RBFOX1: variants seen among roughly 807,000 people sequenced by gnomAD.
The protein encoded by RBFOX1 is RNA binding protein fox-1 homolog 1.
A neutral mutation model predicts 57.7 loss-of-function variants in RBFOX1; 8 were observed. The ratio of observed to expected loss-of-function variants is 0.14; its 90% CI spans 0.08 to 0.25. The LOEUF (loss-of-function observed/expected upper bound fraction) is 0.25, where lower values mean the gene tolerates loss of function less well. RBFOX1 is among the 10% of genes least tolerant of loss of function. The pLI is 1.00. For synonymous variants in RBFOX1, 326 were observed against 222.4 expected, an observed-to-expected ratio of 1.47 and a Z score of -4.15; for missense variants, 611 against 548.5, an observed-to-expected ratio of 1.11 and a Z score of -1.14.
intron 4 of RBFOX1, among the ~76,000 whole-genome samples, chr16:7,178,520 C>T (rs935065410): frequency 5.3e-5 from 8 of 152,122 alleles, no homozygotes; most frequent in African/African-American, 1.9e-4. Context: ...CATTACTAAA[C>T]AATGTGATGT....
chr16:7,363,386 G>T (rs2097368171), intron 4 of RBFOX1, among the ~76,000 whole-genome samples: 1 of 152,110 alleles, frequency 6.6e-6, no homozygotes, highest in South Asian at 2.1e-4. Flanking sequence ...AAAGCCAATT[G>T]CATTACCTTG....
intron 4 of RBFOX1, among the ~76,000 whole-genome samples, chr16:7,115,402 T>C (rs946064696): frequency 6.6e-6 from 1 of 152,182 alleles, no homozygotes; most frequent in Non-Finnish European, 1.5e-5. Flanking sequence ...AGAAACTAAT[T>C]CTTTTGCCTT....
At chr16:5,484,681 G>C (rs953996981) in intron 2 of RBFOX1, among the ~76,000 whole-genome samples, 22 of 152,172 alleles carry the variant, frequency 1.4e-4, no homozygotes, top group East Asian at 5.8e-4. Flanking sequence ...GGGAGACTGA[G>C]GCGGGCGGGT....
At chr16:5,972,177 T>A (rs2059974427) in intron 4 of RBFOX1, among the ~76,000 whole-genome samples, 1 of 152,162 alleles carries the variant, frequency 6.6e-6, no homozygotes, top group African/African-American at 2.4e-5. Flanking sequence ...GCCAATTCCT[T>A]ATGATAAGTA....
chr16:6,647,937 G>C (rs1174142335), intron 2 of RBFOX1, among the ~76,000 whole-genome samples: 2 of 152,096 alleles, frequency 1.3e-5, no homozygotes, highest in South Asian at 2.1e-4. Context: ...AGTCTACAGG[G>C]TTTAAGTGAT....
chr16:6,646,327 C>G (rs771472226), intron 2 of RBFOX1, among the ~76,000 whole-genome samples: 1 of 152,142 alleles, frequency 6.6e-6, no homozygotes, highest in Non-Finnish European at 1.5e-5. Flanking sequence ...CCGCATAGAT[C>G]TGCAGCAGAT....
intron 3 of RBFOX1, among the ~76,000 whole-genome samples, chr16:6,700,782 A>G (rs1387697728): frequency 6.6e-6 from 1 of 152,194 alleles, no homozygotes; most frequent in Admixed American, 6.5e-5. Flanking sequence ...CATGTTATCT[A>G]TGGCATATCC....
chr16:7,411,456 T>C (rs2098424360), intron 4 of RBFOX1, among the ~76,000 whole-genome samples: 1 of 152,178 alleles, frequency 6.6e-6, no homozygotes, highest in African/African-American at 2.4e-5. Flanking sequence ...AGCAAAGATG[T>C]TGAACACATG....
At chr16:7,356,448 C>T (rs755921340) in intron 4 of RBFOX1, among the ~76,000 whole-genome samples, 1 of 152,098 alleles carries the variant, frequency 6.6e-6, no homozygotes, top group Admixed American at 6.5e-5. Context: ...AAGAAAGTGA[C>T]TGGAGAGTGT....
At chr16:6,450,146 C>T (rs181768321) in intron 2 of RBFOX1, among the ~76,000 whole-genome samples, 1 of 152,260 alleles carries the variant, frequency 6.6e-6, no homozygotes, top group Admixed American at 6.5e-5. Flanking sequence ...ACTATAAATC[C>T]TGGCTTCCCT....
chr16:6,607,476 T>C (rs2097953498), intron 2 of RBFOX1, among the ~76,000 whole-genome samples: 1 of 150,360 alleles, frequency 6.7e-6, no homozygotes, highest in African/African-American at 2.5e-5. Flanking sequence ...CTCCTCTGTC[T>C]CTCCTTACTC....
At chr16:6,491,637 C>G (rs1003651240) in intron 2 of RBFOX1, among the ~76,000 whole-genome samples, 10 of 152,108 alleles carry the variant, frequency 6.6e-5, no homozygotes, top group African/African-American at 2.4e-4. Flanking sequence ...TACTAATTCC[C>G]AGATGTGCAT....
At chr16:5,418,008 G>T (rs1266084890) in intron 1 of RBFOX1, among the ~76,000 whole-genome samples, 1 of 152,120 alleles carries the variant, frequency 6.6e-6, no homozygotes, top group African/African-American at 2.4e-5. Flanking sequence ...TTGAACCGAG[G>T]AGGCAGAGGT....
At chr16:7,153,168 C>A (rs894091953) in intron 4 of RBFOX1, among the ~76,000 whole-genome samples, 1 of 150,318 alleles carries the variant, frequency 6.7e-6, no homozygotes, top group African/African-American at 2.5e-5. Context: ...GTTATGAATC[C>A]GTCTGTGTCA....
intron 1 of RBFOX1, chr16:6,092,574 A>C (rs2096190778): frequency 6.6e-6 from 1 of 152,212 alleles, no homozygotes; most frequent in African/African-American, 2.4e-5. Context: ...TATATGGTGT[A>C]AGGAAGAGGT....
chr16:7,673,873 A>G (rs12149752), intron 13 of RBFOX1, among the ~76,000 whole-genome samples: 152,100 of 152,308 alleles, frequency 1, 75,948 homozygotes, highest in Middle Eastern at 1. Context: ...TCAATGACAC[A>G]TTTTTGTCAA....
intron 4 of RBFOX1, among the ~76,000 whole-genome samples, chr16:7,213,142 C>T (rs1448923891): frequency 6.6e-6 from 1 of 152,084 alleles, no homozygotes; most frequent in Non-Finnish European, 1.5e-5. Flanking sequence ...GACCCTGAAG[C>T]CCGAACTCCC....
chr16:7,175,562 CT>C (rs1258306119), intron 4 of RBFOX1, among the ~76,000 whole-genome samples: 2 of 152,006 alleles, frequency 1.3e-5, no homozygotes, highest in Non-Finnish European at 2.9e-5. Flanking sequence ...GCACATAGGG[CT>C]CATAGGCAAA....
chr16:6,247,149 A>G (rs1271507503), intron 1 of RBFOX1, among the ~76,000 whole-genome samples: 1 of 152,224 alleles, frequency 6.6e-6, no homozygotes, highest in East Asian at 1.9e-4. Context: ...ATCAGAAATG[A>G]TATAGCTACT....
Sources: allele counts gnomAD v4.1 joint callset (sites outside exome capture counted in the v4.1 genomes callset), GRCh38; gene constraint gnomAD v4.1.1; transcripts MANE v1.5; gene names NCBI Gene and HGNC (gene_info 2026-07-23, HGNC 2026-07-21).